ARHGEF10: variants seen among roughly 807,000 people sequenced by gnomAD.
ARHGEF10 encodes Rho guanine nucleotide exchange factor 10.
Under a neutral mutation model 147.4 loss-of-function variants are expected in ARHGEF10, and 140 were observed. The ratio of observed to expected loss-of-function variants is 0.95; its 90% confidence interval spans 0.83 to 1.09. ARHGEF10 has a LOEUF of 1.09. Among genes scored for constraint, ARHGEF10 ranks in the 50% least tolerant of loss-of-function variants. ARHGEF10 has a pLI of 0.00. For synonymous variants in ARHGEF10, 902 were observed against 695.8 expected (o/e 1.30, Z -4.67); for missense variants, 2,222 against 1,752.7 (o/e 1.27, Z -4.78).
intron 10 of ARHGEF10, among the ~76,000 whole-genome samples, chr8:1,885,233 C>G (rs926784474): frequency 6.6e-6 from 1 of 152,114 alleles, no homozygotes; most frequent in East Asian, 1.9e-4. Flanking sequence ...GCTGTGTTTC[C>G]TTGTTTCTGA....
chr8:1,866,514 G>C lies in ARHGEF10; in HGVS notation c.546-12G>C, dbSNP rs774026402. On this transcript the variant is annotated splice_polypyrimidine_tract_variant and intron_variant, in intron 5 of 28. Coordinates refer to ENST00000349830, the MANE Select transcript of ARHGEF10 (RefSeq NM_014629.4). ...CCTGGATATTCTGACTTTATGGTTT[G>C]TTTTCTTTAAGTGAAGATCAAGTCG... 30 of 1,612,048 alleles carry C rather than the reference G, an allele frequency of 1.9e-5. No homozygotes were observed. The East Asian group carries it at 6.0e-4, about 32-fold the overall frequency.
At position 1,923,763 on chromosome 8, in the gene ARHGEF10, G is replaced by C. The variant is rs1310644674; in HGVS notation, c.2388-11G>C. 1 of 1,614,188 alleles carries C rather than the reference G, an allele frequency of 6.2e-7. No homozygotes were observed. ...TTTATAAAATGAATGCTTGTCTGTT[G>C]TTTCTGGCAGATCTGGGCGACCGAC... On this transcript the variant is annotated splice_polypyrimidine_tract_variant and intron_variant, in intron 20 of 28. Transcript: ENST00000349830.
At position 1,857,625 on chromosome 8, in the gene ARHGEF10, G is replaced by A. The variant is rs188091592; in HGVS notation, c.38-335G>A. Among the ~76,000 whole-genome samples the A allele has an allele frequency of 7.7e-3, 1,167 of 151,886 alleles. 10 individuals are homozygous for A. The highest frequency in any genetic ancestry group is 0.01 in the Non-Finnish European group (712 of 67,956). ...AGTAGAGATGGGGTTTCACCATGTTGGCCAGGCTGGTCTCAAGCTTCTTAC... is the reference window on the plus strand; with the variant it reads ...AGTAGAGATGGGGTTTCACCATGTTAGCCAGGCTGGTCTCAAGCTTCTTAC... On this transcript the variant is annotated intron_variant, in intron 2 of 28. Coordinates refer to ENST00000349830, the MANE Select transcript of ARHGEF10 (RefSeq NM_014629.4).
chr8:1,953,947 G>A (rs1004575021), intron 28 of ARHGEF10, among the ~76,000 whole-genome samples: 25 of 152,164 alleles, frequency 1.6e-4, no homozygotes, highest in African/African-American at 5.8e-4. Context: ...GGTGGCTTCC[G>A]TGCACTCAGA....
chr8:1,833,780 C>G (rs1803414847), intron 1 of ARHGEF10, among the ~76,000 whole-genome samples: 1 of 152,250 alleles, frequency 6.6e-6, no homozygotes, highest in East Asian at 1.9e-4. Context: ...TTAGGAAGCC[C>G]TCCTGGCCGC....
chr8:1,833,465 G>A (rs1803391731), intron 1 of ARHGEF10, among the ~76,000 whole-genome samples: 1 of 151,938 alleles, frequency 6.6e-6, no homozygotes, highest in African/African-American at 2.4e-5. Context: ...GGCAGAGGCA[G>A]GGGCAGAGAC....
chr8:1,905,529 T>G (rs758107054), intron 16 of ARHGEF10, 42 bp from the exon 17 acceptor site: 1 of 1,613,886 alleles, frequency 6.2e-7, no homozygotes, highest in East Asian at 2.2e-5. Context: ...CTTTTCCGGG[T>G]AAACTGAACT....
chr8:1,927,314 C>T (rs1812764570), intron 23 of ARHGEF10: 3 of 152,174 alleles, frequency 2.0e-5, no homozygotes, highest in Non-Finnish European at 4.4e-5. Context: ...AGGACAGGGG[C>T]TTGGCAGATT....
chr8:1,884,134 C>G (rs1563226972), intron 10 of ARHGEF10, among the ~76,000 whole-genome samples: 1 of 152,120 alleles, frequency 6.6e-6, no homozygotes, highest in African/African-American at 2.4e-5. Flanking sequence ...TGGCTCATGC[C>G]TGTAATCCCA....
At chr8:1,901,319 C>G (rs1004212316) in intron 15 of ARHGEF10, among the ~76,000 whole-genome samples, 5 of 152,280 alleles carry the variant, frequency 3.3e-5, no homozygotes, top group African/African-American at 9.6e-5. Flanking sequence ...AGTGACTCTC[C>G]TGGTCTCTGC....
intron 17 of ARHGEF10, among the ~76,000 whole-genome samples, chr8:1,908,454 A>C (rs548867056): frequency 6.6e-6 from 1 of 152,034 alleles, no homozygotes; most frequent in Non-Finnish European, 1.5e-5. Context: ...GGATGGTCTC[A>C]ATCTCCTGAC....
chr8:1,867,648 G>A (rs1806738883), intron 6 of ARHGEF10, among the ~76,000 whole-genome samples: 1 of 152,166 alleles, frequency 6.6e-6, no homozygotes, highest in South Asian at 2.1e-4. Flanking sequence ...GGCCAGATCT[G>A]CAGTCCCACC....
chr8:1,833,388 C>CAGGGACAGA (rs1563150404), intron 1 of ARHGEF10, among the ~76,000 whole-genome samples: 1 of 122,552 alleles, frequency 8.2e-6, no homozygotes, highest in Non-Finnish European at 1.8e-5. Flanking sequence ...GCAGGTGCAG[C>CAGGGACAGA]GACAGGGGCA....
At chr8:1,886,601 C>T (rs1447925162) in intron 11 of ARHGEF10, among the ~76,000 whole-genome samples, 1 of 152,258 alleles carries the variant, frequency 6.6e-6, no homozygotes, top group Non-Finnish European at 1.5e-5. Context: ...TCAGCAGCAT[C>T]ACACGAGTGA....
Position 1,866,449 on chromosome 8 carries a change from A to T in ARHGEF10, c.546-77A>T, listed in dbSNP as rs899500339. 89 of 1,029,076 alleles carry T rather than the reference A, an allele frequency of 8.6e-5. No homozygotes were observed. The highest frequency in any genetic ancestry group is 1.2e-4 in the Non-Finnish European group (78 of 663,266). 63.7% of individuals were successfully genotyped at this position (1,029,076 alleles called of 1,614,324 possible). ...CACACACACACACACACACACACAC[A>T]CTCTGCAGGGCAGTTGGCATCCTAG... On this transcript the variant is annotated intron_variant, in intron 5 of 28. Coordinates refer to ENST00000349830, the MANE Select transcript of ARHGEF10 (RefSeq NM_014629.4).
intron 28 of ARHGEF10, among the ~76,000 whole-genome samples, chr8:1,955,830 C>T (rs2129296479): frequency 6.6e-6 from 1 of 152,402 alleles, no homozygotes; most frequent in Admixed American, 6.5e-5. Context: ...CCAGGGGCAG[C>T]ATCGCTGGTG....
chr8:1,899,689 A>G (rs796362348), intron 15 of ARHGEF10, among the ~76,000 whole-genome samples: 4 of 152,372 alleles, frequency 2.6e-5, no homozygotes, highest in Middle Eastern at 3.4e-3. Context: ...TACAGCATTA[A>G]TAACAAAAGC....
chr8:1,929,222 C>T lies in ARHGEF10; in HGVS notation c.2922-64C>T, dbSNP rs1003659204. 7.1e-6 allele frequency: 11 copies of T among 1,545,524 alleles called. No homozygotes were observed. In the South Asian group the frequency reaches 1.2e-4, roughly 17 times the overall value. ...GTTGAAATGTTTGTGTTTATGTTAA[C>T]AGGCACCCTCGTTCTTGTTACAACG... On this transcript the variant is annotated intron_variant, in intron 24 of 28. Transcript: ENST00000349830.
At chr8:1,873,471 T>G (rs71518097) in intron 7 of ARHGEF10, among the ~76,000 whole-genome samples, 7,158 of 114,186 alleles carry the variant, frequency 0.063, 92 homozygotes, top group East Asian at 0.14. Context: ...CTCGTTGCGT[T>G]GAGAGGCGCC....
Sources: allele counts gnomAD v4.1 joint callset (sites outside exome capture counted in the v4.1 genomes callset), GRCh38; gene constraint gnomAD v4.1.1; transcripts MANE v1.5; gene names NCBI Gene and HGNC (gene_info 2026-07-23, HGNC 2026-07-21).